LRP1B: variants seen among roughly 807,000 people sequenced by gnomAD.
LRP1B encodes LDL receptor related protein 1B.
Under a neutral mutation model 556.6 loss-of-function variants are expected in LRP1B, and 217 were observed. The ratio of observed to expected loss-of-function variants is 0.39; its 90% CI spans 0.35 to 0.44. The LOEUF (loss-of-function observed/expected upper bound fraction) is 0.44, where lower values mean the gene tolerates loss of function less well. LRP1B is among the 20% of genes least tolerant of loss of function. The probability of loss-of-function intolerance (pLI) is 1.00; values close to 1 mark genes in which losing one functional copy is unlikely to be tolerated. For synonymous variants in LRP1B, 2,047 were observed against 1,865.8 expected, an observed-to-expected ratio of 1.10 and a Z score of -2.50; for missense variants, 5,053 against 5,620.8, an observed-to-expected ratio of 0.90 and a Z score of 3.23.
chr2:141,500,553 T>G (rs1374122029), intron 2 of LRP1B, among the ~76,000 whole-genome samples: 1 of 152,122 alleles, frequency 6.6e-6, no homozygotes, highest in Non-Finnish European at 1.5e-5. Context: ...GGATGGAGTC[T>G]GGGAATTATA....
In LRP1B at chr2:141,878,434, T is replaced by TA. The variant is rs534056991; in HGVS notation, c.83-68034dup. Among the ~76,000 whole-genome samples, 759 of 146,540 alleles carry TA rather than the reference T, an allele frequency of 5.2e-3. 5 individuals carry two copies. The highest frequency in any genetic ancestry group is 7.1e-3 in the African/African-American group (285 of 39,924). ...ACTCAAGAGCAATTGATGAAATTTG[T>TA]AAAAAAAAAAGTGTATAGGACAATA... On this transcript the variant is annotated intron_variant, in intron 1 of 90. Transcript: ENST00000389484.
At chr2:140,669,805 G>A (rs566470399) in intron 41 of LRP1B, among the ~76,000 whole-genome samples, 27 of 152,042 alleles carry the variant, frequency 1.8e-4, no homozygotes, top group African/African-American at 6.5e-4. Context: ...AGATTGTTTC[G>A]AATCGTCCAT....
At chr2:141,300,458 T>C (rs1264360452) in intron 3 of LRP1B, among the ~76,000 whole-genome samples, 1 of 152,166 alleles carries the variant, frequency 6.6e-6, no homozygotes, top group South Asian at 2.1e-4. Context: ...GGAAATGGAT[T>C]ATAACTAGGT....
rs140882424 is a variant in LRP1B, at chr2:141,288,513, A to G, written c.344-33872T>C. On this transcript the variant is annotated intron_variant, in intron 3 of 90. Transcript: ENST00000389484. ...ATGCACTCTTATTTTTATTTTTGTTAATATTATAGATCAAGATACTACAAT... is the reference window on the plus strand; with the variant it reads ...ATGCACTCTTATTTTTATTTTTGTTGATATTATAGATCAAGATACTACAAT... Among the ~76,000 whole-genome samples, 302 of 152,258 alleles carry G rather than the reference A, an allele frequency of 2.0e-3. 1 individual carries two copies. Among genetic ancestry groups the G allele is most frequent in the African/African-American group, 6.6e-3 (275 of 41,570 alleles).
chr2:141,660,535 G>A (rs1237097921), intron 2 of LRP1B, among the ~76,000 whole-genome samples: 1 of 152,106 alleles, frequency 6.6e-6, no homozygotes, highest in Non-Finnish European at 1.5e-5. Context: ...ATTCCCCAGG[G>A]TGTACCACAG....
At chr2:142,014,548 G>C (rs1177719163) in intron 1 of LRP1B, among the ~76,000 whole-genome samples, 1 of 152,134 alleles carries the variant, frequency 6.6e-6, no homozygotes, top group African/African-American at 2.4e-5. Flanking sequence ...GTCAGAAACA[G>C]TAAATGCCCA....
chr2:140,322,864 G>T (rs1372876069), intron 81 of LRP1B, among the ~76,000 whole-genome samples: 3 of 151,786 alleles, frequency 2.0e-5, no homozygotes, highest in Admixed American at 6.6e-5. Context: ...ATTCAAGACA[G>T]GGTTTTGTCT....
At chr2:141,545,080 A>G (rs1238153272) in intron 2 of LRP1B, among the ~76,000 whole-genome samples, 1 of 152,236 alleles carries the variant, frequency 6.6e-6, no homozygotes, top group African/African-American at 2.4e-5. Flanking sequence ...ACAAAGCATC[A>G]GAGAGATCAA....
chr2:140,514,794 A>G, intron 50 of LRP1B, 22 bp from the exon 51 acceptor site: 1 of 1,586,606 alleles, frequency 6.3e-7, no homozygotes, highest in Non-Finnish European at 8.5e-7. Flanking sequence ...ACAAAAGGAA[A>G]AAAAAAAATA....
At chr2:140,950,426 G>A (rs1384091263) in intron 19 of LRP1B, 24 bp from the exon 20 acceptor site, 5 of 1,567,736 alleles carry the variant, frequency 3.2e-6, no homozygotes, top group Non-Finnish European at 4.3e-6. Context: ...TCAACATGAG[G>A]CAGTGAAATC....
chr2:140,330,924 A>C (rs1427542954), intron 79 of LRP1B, among the ~76,000 whole-genome samples: 1 of 152,162 alleles, frequency 6.6e-6, no homozygotes, highest in East Asian at 1.9e-4. Context: ...GACACTTTTC[A>C]AAAGAAGACA....
intron 3 of LRP1B, among the ~76,000 whole-genome samples, chr2:141,336,993 T>C (rs1343422944): frequency 6.6e-6 from 1 of 152,204 alleles, no homozygotes; most frequent in East Asian, 1.9e-4. Flanking sequence ...GTACAGTTAC[T>C]GTAAACATTC....
chr2:141,700,131 GCTT>G (rs74359727), intron 2 of LRP1B, among the ~76,000 whole-genome samples: 5,360 of 151,612 alleles, frequency 0.035, 137 homozygotes, highest in Non-Finnish European at 0.054. Context: ...TAAGTACACA[GCTT>G]CTTAGAGAAA....
At chr2:140,845,798 G>A (rs1354403939) in intron 29 of LRP1B, among the ~76,000 whole-genome samples, 2 of 152,060 alleles carry the variant, frequency 1.3e-5, no homozygotes, top group East Asian at 1.9e-4. Flanking sequence ...AGTTCAACTA[G>A]TGAACTACAA....
chr2:140,982,328 T>A (rs569132503), intron 17 of LRP1B, 52 bp from the exon 18 acceptor site: 14 of 1,104,202 alleles, frequency 1.3e-5, no homozygotes, highest in Non-Finnish European at 1.9e-5. Flanking sequence ...ATTTTGAACA[T>A]CAAGGATATA....
At chr2:141,491,686 T>C (rs1683340932) in intron 2 of LRP1B, among the ~76,000 whole-genome samples, 1 of 152,114 alleles carries the variant, frequency 6.6e-6, no homozygotes. Context: ...GAAAGGGACA[T>C]TGAATGGGAG....
chr2:141,415,495 A>AT (rs1691064935), intron 3 of LRP1B, among the ~76,000 whole-genome samples: 1 of 152,274 alleles, frequency 6.6e-6, no homozygotes, highest in African/African-American at 2.4e-5. Flanking sequence ...AATAAAATAT[A>AT]TTTTTTACAG....
intron 7 of LRP1B, among the ~76,000 whole-genome samples, chr2:141,135,877 C>G (rs1379709978): frequency 6.6e-6 from 1 of 151,826 alleles, no homozygotes; most frequent in East Asian, 1.9e-4. Context: ...AAACTAATTA[C>G]CCCAAGCAAA....
intron 2 of LRP1B, among the ~76,000 whole-genome samples, chr2:141,544,089 C>T (rs1365006326): frequency 6.6e-6 from 1 of 151,930 alleles, no homozygotes; most frequent in East Asian, 1.9e-4. Context: ...GTGGTCTTAC[C>T]CCACATTTCC....
Sources: gnomAD v4.1 joint callset for allele counts (sites outside exome capture counted in the v4.1 genomes callset) on GRCh38, gnomAD v4.1.1 for gene constraint, MANE v1.5 for transcripts, NCBI Gene and HGNC (gene_info 2026-07-23, HGNC 2026-07-21) for gene names.